ZFR: variants seen among roughly 807,000 people sequenced by gnomAD.
The protein encoded by ZFR is zinc finger RNA binding protein, also known as zinc finger RNA-binding protein.
ZFR carries 19 observed loss-of-function variants against 130.7 expected under a neutral mutation model. The observed-to-expected ratio is 0.15, with a 90% confidence interval of 0.10 to 0.21. ZFR has a LOEUF of 0.21. Ranked by LOEUF, ZFR falls within the 10% of genes least tolerant of loss-of-function variation. The pLI is 1.00. For synonymous variants in ZFR, 466 were observed against 456.9 expected (o/e 1.02, Z -0.25); for missense variants, 872 against 1,321.5 (o/e 0.66, Z 5.27).
intron 10 of ZFR, among the ~76,000 whole-genome samples, 185 bp from the exon 11 acceptor site, chr5:32,395,489 T>C (rs1753282456): frequency 1.3e-5 from 2 of 152,156 alleles, no homozygotes; most frequent in African/African-American, 4.8e-5. Flanking sequence ...TAATAAAAAT[T>C]ATGTAAAAAG....
chr5:32,380,294 T>C, intron 15 of ZFR, 122 bp from the exon 16 acceptor site: 1 of 594,610 alleles, frequency 1.7e-6, no homozygotes, highest in Non-Finnish European at 3.1e-6. Context: ...GGCACTTTAA[T>C]ATATCCACGG....
chr5:32,390,527 C>T, intron 11 of ZFR, 90 bp from the exon 12 acceptor site: 1 of 1,286,064 alleles, frequency 7.8e-7, no homozygotes, highest in Non-Finnish European at 1.0e-6. Context: ...CAATAAAAAA[C>T]CCCACCAACA....
chr5:32,369,877 T>C (rs1440943507), intron 17 of ZFR, among the ~76,000 whole-genome samples: 3 of 152,224 alleles, frequency 2.0e-5, no homozygotes, highest in Middle Eastern at 3.4e-3. Flanking sequence ...ATGTTGTCCA[T>C]ATCAAGTTCC....
chr5:32,387,635 T>A lies in ZFR; in HGVS notation c.2413A>T (p.Asn805Tyr). 1.2e-6 allele frequency: 2 copies of A among 1,613,718 alleles called. No homozygotes were observed. Among genetic ancestry groups the A allele is most frequent in the South Asian group, 1.1e-5 (1 of 91,020 alleles). Residue 805 changes from asparagine to tyrosine, a missense_variant, in exon 14 of 20, where the codon AAT (asparagine) becomes TAT (tyrosine). Physicochemically the swap from Asn to Tyr is moderately radical, Grantham distance 143. This residue lies in a region of ZFR where 225 missense variants were observed against 282.4 expected (regional missense o/e 0.80). Transcript: ENST00000265069. ...GAGCACAGCAAAACAAGGTTGACAT[T>A]TCTATCTCCTCGGAGAAGTAATCCT... The part of the protein sequence containing the change: ...AKGLLLRGDR[N>Y]VNLVLLCSEK...
chr5:32,429,842 G>C (rs1224849195), intron 2 of ZFR, among the ~76,000 whole-genome samples: 1 of 152,082 alleles, frequency 6.6e-6, no homozygotes, highest in Non-Finnish European at 1.5e-5. Flanking sequence ...GTCAAAGGGG[G>C]AGAATCACTT....
intron 2 of ZFR, among the ~76,000 whole-genome samples, chr5:32,441,855 A>T (rs1458795915): frequency 3.3e-5 from 5 of 152,206 alleles, no homozygotes; most frequent in Non-Finnish European, 7.3e-5. Flanking sequence ...TAGCAATATA[A>T]GTAATGTCAA....
chr5:32,406,603 GT>G (rs895145694), intron 6 of ZFR, 170 bp downstream of exon 6: 79 of 884,566 alleles, frequency 8.9e-5, no homozygotes, highest in South Asian at 1.4e-4. Context: ...CATCTTTACA[GT>G]TTTTTTTTCC....
chr5:32,430,215 G>A (rs1754173266), intron 2 of ZFR, among the ~76,000 whole-genome samples: 1 of 151,638 alleles, frequency 6.6e-6, no homozygotes, highest in Non-Finnish European at 1.5e-5. Context: ...AAATGTTTAA[G>A]CACACTTGAA....
At chr5:32,421,282 A>G (rs1441583283) in intron 2 of ZFR, among the ~76,000 whole-genome samples, 1 of 152,224 alleles carries the variant, frequency 6.6e-6, no homozygotes, top group Non-Finnish European at 1.5e-5. Flanking sequence ...ACATTTTAGT[A>G]TGAGCCAACA....
intron 15 of ZFR, among the ~76,000 whole-genome samples, chr5:32,384,036 T>A (rs1354912323): frequency 6.6e-6 from 1 of 152,248 alleles, no homozygotes; most frequent in African/African-American, 2.4e-5. Context: ...TCAAATAATT[T>A]ACTGCAAATA....
intron 2 of ZFR, among the ~76,000 whole-genome samples, chr5:32,423,075 C>G (rs910344141): frequency 6.6e-6 from 1 of 151,678 alleles, no homozygotes. Flanking sequence ...AAGCTGGGCA[C>G]GGAATACCTG....
chr5:32,412,193 C>T (rs1753729157), intron 5 of ZFR, among the ~76,000 whole-genome samples: 1 of 152,126 alleles, frequency 6.6e-6, no homozygotes, highest in Non-Finnish European at 1.5e-5. Context: ...ATCTGATAGG[C>T]ACAGCTTTAA....
chr5:32,379,799 TA>T, intron 16 of ZFR: 1 of 292,564 alleles, frequency 3.4e-6, no homozygotes, highest in Non-Finnish European at 6.5e-6. Context: ...GTGATGTTCC[TA>T]AACAAGTCAA....
intron 17 of ZFR, among the ~76,000 whole-genome samples, chr5:32,369,879 T>A (rs1752623221): frequency 6.6e-6 from 1 of 152,080 alleles, no homozygotes; most frequent in South Asian, 2.1e-4. Context: ...GTTGTCCATA[T>A]CAAGTTCCAA....
intron 2 of ZFR, among the ~76,000 whole-genome samples, chr5:32,420,765 T>G (rs552150860): frequency 6.6e-6 from 1 of 152,332 alleles, no homozygotes; most frequent in African/African-American, 2.4e-5. Context: ...AATCCTACAA[T>G]GCACAGGACA....
At position 32,406,908 on chromosome 5, in the gene ZFR, T is replaced by C; in HGVS notation, c.898A>G (p.Thr300Ala). ...AAAAAAAAAA[T>A]AAWTGTTFTK... ...AAGGTGGTCCCTGTCCAGGCAGCTG[T>C]TGCAGCAGCAGCAGCAGCTGCTGCT... The change falls in exon 6 of 20, where the codon ACA becomes GCA. Residue 300 changes from threonine to alanine, a missense_variant. By Grantham distance (58) the Thr-to-Ala change is moderately conservative (BLOSUM62 0). Transcript: ENST00000265069. The C allele has an allele frequency of 6.2e-7, 1 of 1,611,482 alleles. No homozygotes were observed. The highest frequency in any genetic ancestry group is 8.5e-7 in the Non-Finnish European group (1 of 1,179,324).
chr5:32,381,413 T>C (rs1752934753), intron 15 of ZFR, among the ~76,000 whole-genome samples: 1 of 152,146 alleles, frequency 6.6e-6, no homozygotes, highest in Admixed American at 6.5e-5. Context: ...ATTTAAATAG[T>C]ATGAATATTT....
At chr5:32,388,394 A>G in intron 13 of ZFR, 75 bp downstream of exon 13, 1 of 1,366,970 alleles carries the variant, frequency 7.3e-7, no homozygotes, top group Non-Finnish European at 1.0e-6. Flanking sequence ...ACCAGTCATA[A>G]GCTATATTTC....
At chr5:32,390,197 A>T in intron 12 of ZFR, 78 bp downstream of exon 12, 1 of 1,503,564 alleles carries the variant, frequency 6.7e-7, no homozygotes, top group Non-Finnish European at 9.0e-7. Flanking sequence ...TCTAAACATT[A>T]GCCCCTCCAA....
Sources: allele counts gnomAD v4.1 joint callset (sites outside exome capture counted in the v4.1 genomes callset), GRCh38; gene constraint gnomAD v4.1.1; regional missense constraint gnomAD v4.1.1; transcripts MANE v1.5; gene names NCBI Gene and HGNC (gene_info 2026-07-23, HGNC 2026-07-21).